CEACAM5: variants seen among roughly 807,000 people sequenced by gnomAD.
The protein encoded by CEACAM5 is cell adhesion molecule CEACAM5.
In CEACAM5, 52 loss-of-function variants were observed where a neutral mutation model predicts 63.0. The ratio of observed to expected loss-of-function variants is 0.83; its 90% confidence interval spans 0.66 to 1.04. The LOEUF (loss-of-function observed/expected upper bound fraction) is 1.04. Ranked by LOEUF, CEACAM5 falls within the 50% of genes least tolerant of loss-of-function variation. CEACAM5 has a pLI of 0.00. For missense variants in CEACAM5, 790 were observed against 864.8 expected (o/e 0.91, Z 1.08); for synonymous variants, 357 against 351.3 (o/e 1.02, Z -0.18).
intron 9 of CEACAM5, among the ~76,000 whole-genome samples, chr19:41,728,330 T>G (rs1330066555): frequency 6.6e-6 from 1 of 152,168 alleles, no homozygotes; most frequent in Non-Finnish European, 1.5e-5. Flanking sequence ...GATACTTAAG[T>G]CCCACCGATA....
chr19:41,727,707 C>A (rs916700039), intron 9 of CEACAM5, among the ~76,000 whole-genome samples: 2 of 152,212 alleles, frequency 1.3e-5, no homozygotes, highest in Non-Finnish European at 2.9e-5. Context: ...TGTTGCCAGT[C>A]TTTGAAATCT....
At chr19:41,724,155 A>G (rs1555816724) in intron 8 of CEACAM5, among the ~76,000 whole-genome samples, 1 of 152,128 alleles carries the variant, frequency 6.6e-6, no homozygotes, top group Non-Finnish European at 1.5e-5. Flanking sequence ...CATATATGGT[A>G]TCAGGCAAAG....
At chr19:41,711,528 AG>A (rs1365196026) in intron 2 of CEACAM5, among the ~76,000 whole-genome samples, 4 of 152,108 alleles carry the variant, frequency 2.6e-5, no homozygotes, top group Non-Finnish European at 5.9e-5. Context: ...TCAGGGGCTG[AG>A]ATCCATGTAC....
At chr19:41,724,346 A>G (rs944497435) in intron 8 of CEACAM5, among the ~76,000 whole-genome samples, 4 of 152,216 alleles carry the variant, frequency 2.6e-5, no homozygotes, top group Non-Finnish European at 5.9e-5. Flanking sequence ...CTTTATGCCA[A>G]TACCACACTG....
At position 41,709,765 on chromosome 19, in the gene CEACAM5, G is replaced by T; in HGVS notation, c.150G>T (p.Glu50Asp). Residue 50 changes from glutamate to aspartate, a missense_variant, in exon 2 of 10, where the codon GAG becomes GAT. Physicochemically the swap from Glu to Asp is conservative, Grantham distance 45 (BLOSUM62 2). Coordinates refer to ENST00000221992, the MANE Select transcript of CEACAM5 (RefSeq NM_004363.6). Reference sequence around the variant, plus strand: ...CGTTCAATGTCGCAGAGGGGAAGGAGGTGCTTCTACTTGTCCACAATCTGC... The same window carrying T: ...CGTTCAATGTCGCAGAGGGGAAGGATGTGCTTCTACTTGTCCACAATCTGC... ...STPFNVAEGK[E>D]VLLLVHNLPQ... 2 of 1,614,144 alleles carry T rather than the reference G, an allele frequency of 1.2e-6. No individual in the cohort carries two copies. Among genetic ancestry groups the T allele is most frequent in the Non-Finnish European group, 1.7e-6 (2 of 1,180,026 alleles).
intron 8 of CEACAM5, among the ~76,000 whole-genome samples, chr19:41,725,357 C>CTT (rs797036122): frequency 1.5e-5 from 2 of 137,362 alleles, no homozygotes; most frequent in South Asian, 2.3e-4. Flanking sequence ...TCTCCATTTT[C>CTT]TTTTTTTTTT....
In CEACAM5 at chr19:41,709,835, G is replaced by A. The variant is rs1555813698; in HGVS notation, c.220G>A (p.Asp74Asn). ...GYSWYKGERV[D>N]GNRQIIGYVI... ...CAGCTGGTACAAAGGTGAAAGAGTG[G>A]ATGGCAACCGTCAAATTATAGGATA... The change falls in exon 2 of 10, where the codon GAT becomes AAT. Residue 74 changes from aspartate (D) to asparagine (N), a missense_variant. Asp to Asn is a conservative substitution (Grantham distance 23). Transcript: ENST00000221992. 3.1e-6 allele frequency: 5 copies of A among 1,614,010 alleles called. No homozygotes were observed. The highest frequency in any genetic ancestry group is 3.4e-6 in the Non-Finnish European group (4 of 1,180,006).
intron 8 of CEACAM5, among the ~76,000 whole-genome samples, chr19:41,722,064 C>G (rs2072630073): frequency 6.6e-6 from 1 of 152,160 alleles, no homozygotes; most frequent in South Asian, 2.1e-4. Context: ...TACCATTAAC[C>G]ATTTCTAAGT....
chr19:41,711,809 T>TC (rs1256001719), intron 2 of CEACAM5, among the ~76,000 whole-genome samples: 1 of 151,900 alleles, frequency 6.6e-6, no homozygotes. Flanking sequence ...TCTTAGGCCT[T>TC]CCCCAGACAC....
intron 8 of CEACAM5, 29 bp from the exon 9 acceptor site, chr19:41,727,205 C>T: frequency 6.4e-7 from 1 of 1,552,506 alleles, no homozygotes; most frequent in Non-Finnish European, 8.9e-7. Context: ...TTCATTCCTT[C>T]TCTTTTCTTT....
rs533199278 is a variant in CEACAM5 at position 41,720,050 on chromosome 19, G to A, written c.1613G>A (p.Gly538Asp). 8 of 1,614,218 alleles carry A rather than the reference G, an allele frequency of 5.0e-6. No homozygotes were observed. The African/African-American group carries it at 5.3e-5, about 11-fold the overall frequency. The change falls in exon 7 of 10, where the codon GGT becomes GAT. Residue 538 changes from glycine to aspartate, a missense_variant. Physicochemically the swap from Gly to Asp is moderately conservative, Grantham distance 94 (BLOSUM62 -1). Transcript: ENST00000221992. ...QNTTYLWWVN[G>D]QSLPVSPRLQ... ...ACAACCTACCTGTGGTGGGTAAATG[G>A]TCAGAGCCTCCCAGTCAGTCCCAGG...
At chr19:41,723,100 G>T (rs1263922355) in intron 8 of CEACAM5, among the ~76,000 whole-genome samples, 7 of 151,680 alleles carry the variant, frequency 4.6e-5, no homozygotes, top group South Asian at 2.1e-4. Flanking sequence ...TTTTAGTAGA[G>T]ACTGAGTTTC....
intron 4 of CEACAM5, 114 bp downstream of exon 4, chr19:41,716,018 A>C: frequency 1.6e-6 from 2 of 1,217,996 alleles, no homozygotes; most frequent in Non-Finnish European, 2.3e-6. Context: ...GGGCACAAGC[A>C]AATCCCAGAT....
intron 8 of CEACAM5, among the ~76,000 whole-genome samples, chr19:41,723,967 T>C (rs1322049801): frequency 1.4e-4 from 22 of 151,980 alleles, no homozygotes; most frequent in Admixed American, 1.4e-3. Flanking sequence ...AAAAAAAGTT[T>C]TTAATTTTCA....
chr19:41,710,729 G>A (rs1422328351), intron 2 of CEACAM5, among the ~76,000 whole-genome samples: 1 of 152,202 alleles, frequency 6.6e-6, no homozygotes, highest in Non-Finnish European at 1.5e-5. Flanking sequence ...CCCAGGAAGA[G>A]GAACAGAGGA....
At chr19:41,719,816 G>T in intron 6 of CEACAM5, 114 bp from the exon 7 acceptor site, 1 of 1,549,264 alleles carries the variant, frequency 6.5e-7, no homozygotes, top group South Asian at 1.2e-5. Context: ...CCTGCCATGG[G>T]CTTTTAAGGA....
At position 41,709,927 on chromosome 19, in the gene CEACAM5, T is replaced by A; in HGVS notation, c.312T>A (p.Asn104Lys). ...AYSGREIIYP[N>K]ASLLIQNIIQ... The stretch of plus-strand genomic sequence containing the variant: ...GTGGTCGAGAGATAATATACCCCAA[T>A]GCATCCCTGCTGATCCAGAACATCA... Residue 104 changes from asparagine (N) to lysine (K), a missense_variant, in exon 2 of 10, where the codon AAT (asparagine) becomes AAA (lysine). Asn to Lys is a moderately conservative substitution (Grantham distance 94). Coordinates refer to ENST00000221992, the MANE Select transcript of CEACAM5 (RefSeq NM_004363.6). 6.2e-7 allele frequency: 1 copy of A among 1,614,040 alleles called. No homozygotes were observed. Among genetic ancestry groups the A allele is most frequent in the Non-Finnish European group, 8.5e-7 (1 of 1,179,986 alleles).
At chr19:41,714,698 G>T (rs2072490383) in intron 2 of CEACAM5, among the ~76,000 whole-genome samples, 1 of 151,472 alleles carries the variant, frequency 6.6e-6, no homozygotes, top group Non-Finnish European at 1.5e-5. Context: ...CAGGAGCTGT[G>T]ACCTCCCCCC....
In CEACAM5 at chr19:41,715,255, T is replaced by C. The variant is rs373238370; in HGVS notation, c.703+6T>C. The C allele has an allele frequency of 2.0e-4, 315 of 1,614,172 alleles. No individual in the cohort carries two copies. Among genetic ancestry groups the C allele is most frequent in the Admixed American group, 3.0e-4 (18 of 60,026 alleles). Reference sequence around the variant, plus strand: ...AGTCATCCTGAATGTCCTCTGTGAGTATATCTGCTCCTCTCTGGCCCAGGC... The same window carrying C: ...AGTCATCCTGAATGTCCTCTGTGAGCATATCTGCTCCTCTCTGGCCCAGGC... On this transcript the variant is annotated splice_donor_region_variant and intron_variant, in intron 3 of 9. Transcript: ENST00000221992.
Sources: allele counts gnomAD v4.1 joint callset (sites outside exome capture counted in the v4.1 genomes callset), GRCh38; gene constraint gnomAD v4.1.1; transcripts MANE v1.5; gene names NCBI Gene and HGNC (gene_info 2026-07-23, HGNC 2026-07-21).